The following SUGCT variants were observed in gnomAD, a reference collection of about 807,000 sequenced individuals.
SUGCT encodes succinyl-CoA:glutarate-CoA transferase.
In SUGCT, 41 loss-of-function variants were observed where a neutral mutation model predicts 55.0. The ratio of observed to expected loss-of-function variants is 0.74; its 90% confidence interval spans 0.58 to 0.97. The LOEUF (loss-of-function observed/expected upper bound fraction) is 0.97, where lower values mean the gene tolerates loss of function less well. Ranked by LOEUF, SUGCT falls within the 50% of genes least tolerant of loss-of-function variation. The probability of loss-of-function intolerance (pLI) is 0.00; values close to 1 mark genes in which losing one functional copy is unlikely to be tolerated. For missense variants in SUGCT, 568 were observed against 547.8 expected (o/e 1.04, Z -0.37); for synonymous variants, 187 against 200.4 (o/e 0.93, Z 0.56).
At chr7:40,218,995 GCTA>G (rs200648782) in intron 6 of SUGCT, among the ~76,000 whole-genome samples, 2,595 of 152,252 alleles carry the variant, frequency 0.017, 35 homozygotes, top group Non-Finnish European at 0.025. Context: ...AATAAGTCTT[GCTA>G]CTACTCACTC....
At chr7:40,970,504 A>G in the SUGCT span, among the ~76,000 whole-genome samples, 2 of 152,064 alleles carry the variant, frequency 1.3e-5, no homozygotes, top group Non-Finnish European at 2.9e-5. Flanking sequence ...TATTTTTTTC[A>G]TTCAGGTATA....
chr7:40,932,185 A>T, the SUGCT span, among the ~76,000 whole-genome samples: 2 of 152,172 alleles, frequency 1.3e-5, no homozygotes, highest in Admixed American at 1.3e-4. Context: ...TTATTTACCC[A>T]GTAGTCATTC....
intron 7 of SUGCT, among the ~76,000 whole-genome samples, chr7:40,272,641 G>GTAT (rs1023951710): frequency 0.015 from 2,107 of 143,942 alleles, 68 homozygotes; most frequent in African/African-American, 0.051. Flanking sequence ...GGATCATATG[G>GTAT]TATTATTATT....
chr7:40,570,629 A>G (rs1337216807), intron 12 of SUGCT, among the ~76,000 whole-genome samples: 1 of 152,128 alleles, frequency 6.6e-6, no homozygotes, highest in Non-Finnish European at 1.5e-5. Flanking sequence ...GATGTTTCTG[A>G]TGTCTTTTCC....
intron 12 of SUGCT, among the ~76,000 whole-genome samples, chr7:40,594,619 C>T (rs1797905939): frequency 6.6e-6 from 1 of 152,168 alleles, no homozygotes. Context: ...ACCTGTGAAT[C>T]TCTTACCATG....
At chr7:40,591,498 A>G (rs1797715601) in intron 12 of SUGCT, among the ~76,000 whole-genome samples, 1 of 152,236 alleles carries the variant, frequency 6.6e-6, no homozygotes, top group Non-Finnish European at 1.5e-5. Flanking sequence ...AAAATATTTC[A>G]TAAATTTAGT....
the SUGCT span, among the ~76,000 whole-genome samples, chr7:40,874,207 C>T: frequency 6.6e-6 from 1 of 152,220 alleles, no homozygotes; most frequent in African/African-American, 2.4e-5. Flanking sequence ...TCTGTAGACA[C>T]TATGATGATG....
chr7:40,984,897 G>T, the SUGCT span, among the ~76,000 whole-genome samples: 1 of 152,202 alleles, frequency 6.6e-6, no homozygotes, highest in African/African-American at 2.4e-5. Flanking sequence ...TATCCCTCCA[G>T]AAGTGGCTGC....
At chr7:40,356,851 A>T (rs1425376162) in intron 9 of SUGCT, among the ~76,000 whole-genome samples, 1 of 152,254 alleles carries the variant, frequency 6.6e-6, no homozygotes, top group East Asian at 1.9e-4. Context: ...AACAGTATCC[A>T]TCACATCTGT....
At chr7:40,178,288 A>G (rs1785021813) in intron 1 of SUGCT, among the ~76,000 whole-genome samples, 1 of 152,110 alleles carries the variant, frequency 6.6e-6, no homozygotes, top group Non-Finnish European at 1.5e-5. Context: ...TCTGTCTCCT[A>G]TAGCTCCTGT....
intron 13 of SUGCT, among the ~76,000 whole-genome samples, chr7:40,813,592 G>C (rs887954587): frequency 6.6e-6 from 1 of 152,078 alleles, no homozygotes; most frequent in African/African-American, 2.4e-5. Context: ...TCTTTACTTT[G>C]AGCCTATGGG....
At chr7:40,376,838 G>T (rs76083184) in intron 9 of SUGCT, among the ~76,000 whole-genome samples, 7,310 of 151,382 alleles carry the variant, frequency 0.048, 270 homozygotes, top group Non-Finnish European at 0.071. Flanking sequence ...TTTTAGAACA[G>T]GTCTGCTGCT....
chr7:40,739,725 A>T (rs1205095125), intron 12 of SUGCT, among the ~76,000 whole-genome samples: 1 of 151,896 alleles, frequency 6.6e-6, no homozygotes. Flanking sequence ...ATTTGTGTGG[A>T]TCTATTTCTG....
intron 12 of SUGCT, among the ~76,000 whole-genome samples, chr7:40,509,884 G>A (rs1246405634): frequency 6.6e-6 from 1 of 152,164 alleles, no homozygotes; most frequent in Non-Finnish European, 1.5e-5. Flanking sequence ...TGGGAGAGAT[G>A]GTGTAGAGTT....
chr7:40,160,999 G>C (rs1051101236), intron 1 of SUGCT, among the ~76,000 whole-genome samples: 2 of 152,040 alleles, frequency 1.3e-5, no homozygotes, highest in African/African-American at 2.4e-5. Context: ...AGAGTATTAA[G>C]GAATTCATAA....
At chr7:40,221,929 G>A (rs1447941609) in intron 6 of SUGCT, among the ~76,000 whole-genome samples, 1 of 152,222 alleles carries the variant, frequency 6.6e-6, no homozygotes, top group African/African-American at 2.4e-5. Context: ...CCTGAACTTG[G>A]TGGATGAGTG....
chr7:40,609,342 G>A (rs7782754), intron 12 of SUGCT, among the ~76,000 whole-genome samples: 5,641 of 151,800 alleles, frequency 0.037, 322 homozygotes, highest in African/African-American at 0.13. Context: ...CGAGGCGGGC[G>A]GATCACGAGG....
intron 13 of SUGCT, among the ~76,000 whole-genome samples, chr7:40,774,960 A>G (rs572212727): frequency 9.5e-4 from 144 of 152,344 alleles, no homozygotes; most frequent in Non-Finnish European, 1.8e-3. Context: ...AAACCTCTAA[A>G]TGAGACTGCA....
chr7:40,982,250 A>G, the SUGCT span, among the ~76,000 whole-genome samples: 3 of 152,192 alleles, frequency 2.0e-5, no homozygotes, highest in South Asian at 6.2e-4. Flanking sequence ...TGAACATTAG[A>G]ATGTTCATAA....
Sources: allele counts gnomAD v4.1 joint callset (sites outside exome capture counted in the v4.1 genomes callset), GRCh38; gene constraint gnomAD v4.1.1; transcripts MANE v1.5; gene names NCBI Gene and HGNC (gene_info 2026-07-23, HGNC 2026-07-21).